The following ROBO1 variants were observed in gnomAD, a reference collection of about 807,000 sequenced individuals.
ROBO1 encodes the protein roundabout guidance receptor 1, also known as roundabout homolog 1.
In ROBO1, 149 loss-of-function variants were observed where a neutral mutation model predicts 195.9. That is an observed-to-expected ratio of 0.76 (90% CI 0.67 to 0.87). The LOEUF is 0.87. Ranked by LOEUF, ROBO1 falls within the 40% of genes least tolerant of loss-of-function variation. The pLI, the probability that ROBO1 is intolerant of heterozygous loss-of-function variation, is 0.00. For missense variants in ROBO1, 1,933 were observed against 2,068.3 expected, an observed-to-expected ratio of 0.93 and a Z score of 1.27; for synonymous variants, 816 against 733.2, an observed-to-expected ratio of 1.11 and a Z score of -1.82.
intron 8 of ROBO1, among the ~76,000 whole-genome samples, chr3:78,705,744 G>T (rs1047703399): frequency 6.6e-6 from 1 of 152,036 alleles, no homozygotes; most frequent in Non-Finnish European, 1.5e-5. Flanking sequence ...ATCCGTTGAG[G>T]GTCCAGGTAG....
At chr3:79,642,251 G>A (rs993804830) in intron 1 of ROBO1, among the ~76,000 whole-genome samples, 23 of 152,074 alleles carry the variant, frequency 1.5e-4, no homozygotes, top group African/African-American at 5.3e-4. Flanking sequence ...GAATGCAATT[G>A]AACAAAGATT....
intron 2 of ROBO1, among the ~76,000 whole-genome samples, chr3:79,247,617 A>G (rs959275576): frequency 1.3e-5 from 2 of 152,046 alleles, no homozygotes. Context: ...TGACAACAGA[A>G]GCTTTTCAGC....
intron 2 of ROBO1, among the ~76,000 whole-genome samples, chr3:79,204,070 G>A (rs1160783598): frequency 6.6e-6 from 1 of 152,082 alleles, no homozygotes; most frequent in Non-Finnish European, 1.5e-5. Flanking sequence ...TCAGCACTGT[G>A]TTTTAGAACT....
intron 4 of ROBO1, among the ~76,000 whole-genome samples, chr3:78,881,069 A>G (rs1436699965): frequency 2.0e-5 from 3 of 152,182 alleles, no homozygotes; most frequent in Non-Finnish European, 2.9e-5. Context: ...CATATTGTCA[A>G]CAGATGCGGG....
Position 78,607,020 on chromosome 3 carries a change from G to C in ROBO1, c.4457C>G (p.Pro1486Arg). 6.2e-7 allele frequency: 1 copy of C among 1,610,580 alleles called. No individual in the cohort carries two copies. The highest frequency in any genetic ancestry group is 8.5e-7 in the Non-Finnish European group (1 of 1,177,316). Residue 1486 changes from proline to arginine, a missense_variant, in exon 29 of 31, where the codon CCG becomes CGG. Transcript: ENST00000464233. ...AGTAGGTGACTTTATAGCAGGTGGC[G>C]GCACAGGAGGTGGTGGAAGATCTAA... Reference protein sequence around the residue: ...YTDDLPPPPVPPPAIKSPTAQ... With the variant: ...YTDDLPPPPVRPPAIKSPTAQ...
In ROBO1 at chr3:78,631,292, G is replaced by A; in HGVS notation, c.3495C>T (p.His1165=). 6.2e-7 allele frequency: 1 copy of A among 1,613,116 alleles called. No individual in the cohort carries two copies. Among genetic ancestry groups the A allele is most frequent in the African/African-American group, 1.3e-5 (1 of 74,982 alleles). Reference sequence around the variant, plus strand: ...CCTTGGGTGTTCTTGCCCCTTTCTTGTGCCCCTGACTCCCTAGAAAGGAAA... The same window carrying A: ...CCTTGGGTGTTCTTGCCCCTTTCTTATGCCCCTGACTCCCTAGAAAGGAAA... ...RGSSTSGSQG[H]KKGARTPKVP... is the part of the protein sequence containing the mutation. Residue 1165 remains histidine (H), a synonymous_variant, in exon 25 of 31, where the codon CAC becomes CAT. Coordinates refer to ENST00000464233, the MANE Select transcript of ROBO1 (RefSeq NM_002941.4).
intron 1 of ROBO1, among the ~76,000 whole-genome samples, chr3:79,643,778 T>C (rs1339563167): frequency 1.3e-5 from 2 of 151,240 alleles, no homozygotes; most frequent in African/African-American, 2.4e-5. Flanking sequence ...CCAGAGAAAA[T>C]CACTAAGCCA....
chr3:79,472,752 T>C (rs985386708), intron 2 of ROBO1, among the ~76,000 whole-genome samples: 22 of 152,026 alleles, frequency 1.4e-4, no homozygotes, highest in African/African-American at 5.3e-4. Flanking sequence ...GCAATATAGA[T>C]GTGAGATGGT....
intron 2 of ROBO1, among the ~76,000 whole-genome samples, chr3:79,144,827 A>T (rs2080610325): frequency 6.6e-6 from 1 of 152,034 alleles, no homozygotes; most frequent in Non-Finnish European, 1.5e-5. Flanking sequence ...CATCAGACGG[A>T]AATCTGTTAC....
In ROBO1 at chr3:79,699,370, G is replaced by A. The variant is rs61445481; in HGVS notation, c.-51+68382C>T. Among the ~76,000 whole-genome samples the A allele has an allele frequency of 7.5e-3, 1,136 of 151,578 alleles. 13 individuals carry two copies. Among genetic ancestry groups the A allele is most frequent in the African/African-American group, 0.026 (1,067 of 41,432 alleles). On this transcript the variant is annotated intron_variant, in intron 1 of 30. Coordinates refer to ENST00000464233, the MANE Select transcript of ROBO1 (RefSeq NM_002941.4). ...AGAACATGATTTGTGCGCCTTCCAGGTTTGTCTGACATCTGAAAAGCAGAT... is the reference window on the plus strand; with the variant it reads ...AGAACATGATTTGTGCGCCTTCCAGATTTGTCTGACATCTGAAAAGCAGAT...
chr3:78,679,270 C>T (rs1278024254), intron 10 of ROBO1, among the ~76,000 whole-genome samples: 1 of 151,996 alleles, frequency 6.6e-6, no homozygotes, highest in Non-Finnish European at 1.5e-5. Context: ...TGGCACAAGA[C>T]AGGGATGCCC....
At chr3:78,925,741 C>T (rs2039176037) in intron 4 of ROBO1, among the ~76,000 whole-genome samples, 1 of 152,114 alleles carries the variant, frequency 6.6e-6, no homozygotes, top group Non-Finnish European at 1.5e-5. Context: ...GCAGGAGTGA[C>T]ATACTATGAT....
Position 79,557,735 on chromosome 3 carries a change from C to CA in ROBO1, c.88+32088dup, listed in dbSNP as rs1361235757. Among the ~76,000 whole-genome samples, 87 of 108,518 alleles carry CA rather than the reference C, an allele frequency of 8.0e-4. 1 individual carries two copies. The highest frequency in any genetic ancestry group is 2.4e-3 in the East Asian group (9 of 3,774). The allele number at this position is 108,518 out of a possible 152,430, so 71.2% of individuals were successfully genotyped here. On this transcript the variant is annotated intron_variant, in intron 2 of 30. Transcript: ENST00000464233. The stretch of plus-strand genomic sequence containing the variant: ...GCAACAGAGCGAGACTGTCTTAAAA[C>CA]AAAAAAAAATATATATATATATATA...
At position 78,674,671 on chromosome 3, in the gene ROBO1, A is replaced by G. The variant is rs572313657; in HGVS notation, c.1343-4370T>C. Reference sequence around the variant, plus strand: ...TTTAGAGATTTTGTTTTTGTTTTTTATAGTTTAATAAAAGGTCTATGCGTG... The same window carrying G: ...TTTAGAGATTTTGTTTTTGTTTTTTGTAGTTTAATAAAAGGTCTATGCGTG... On this transcript the variant is annotated intron_variant, in intron 10 of 30. Coordinates refer to ENST00000464233, the MANE Select transcript of ROBO1 (RefSeq NM_002941.4). Among the ~76,000 whole-genome samples, 7 of 152,296 alleles carry G rather than the reference A, an allele frequency of 4.6e-5. No individual in the cohort carries two copies. The South Asian group carries it at 1.5e-3, about 32-fold the overall frequency.
intron 4 of ROBO1, among the ~76,000 whole-genome samples, chr3:78,849,870 A>ACACT (rs1559922116): frequency 4.6e-5 from 7 of 150,736 alleles, no homozygotes; most frequent in South Asian, 2.1e-4. Context: ...ACACACACAC[A>ACACT]CTCTTATAGT....
intron 3 of ROBO1, among the ~76,000 whole-genome samples, chr3:78,980,031 A>C (rs1292366061): frequency 1.3e-5 from 2 of 152,158 alleles, no homozygotes; most frequent in East Asian, 3.8e-4. Context: ...TAAAACAATA[A>C]TTTCCTACAC....
At chr3:79,617,461 TA>T (rs1944860812) in intron 1 of ROBO1, among the ~76,000 whole-genome samples, 2 of 152,052 alleles carry the variant, frequency 1.3e-5, no homozygotes, top group South Asian at 4.2e-4. Context: ...AAATTATCTT[TA>T]AAAAGGAATA....
chr3:79,258,931 T>G (rs1403830441), intron 2 of ROBO1, among the ~76,000 whole-genome samples: 1 of 152,094 alleles, frequency 6.6e-6, no homozygotes, highest in Non-Finnish European at 1.5e-5. Context: ...ACTATAACAT[T>G]CATACTATGT....
chr3:78,816,975 A>C (rs1440556927), intron 4 of ROBO1, among the ~76,000 whole-genome samples: 2 of 42,998 alleles, frequency 4.7e-5, no homozygotes, highest in African/African-American at 9.2e-5. Flanking sequence ...CCTAGAGCTT[A>C]AAGTATAATA....
Sources: allele counts gnomAD v4.1 joint callset (sites outside exome capture counted in the v4.1 genomes callset), GRCh38; gene constraint gnomAD v4.1.1; transcripts MANE v1.5; gene names NCBI Gene and HGNC (gene_info 2026-07-23, HGNC 2026-07-21).